The following DNAI1 variants were observed in gnomAD, a reference collection of about 807,000 sequenced individuals.
DNAI1 encodes dynein axonemal intermediate chain 1.
DNAI1 carries 67 observed loss-of-function variants against 92.0 expected under a neutral mutation model. That is an observed-to-expected ratio of 0.73 (90% CI 0.60 to 0.89). The LOEUF (loss-of-function observed/expected upper bound fraction) is 0.89, where lower values mean the gene tolerates loss of function less well. Ranked by LOEUF, DNAI1 falls within the 40% of genes least tolerant of loss-of-function variation. The probability of loss-of-function intolerance (pLI) is 0.00; values close to 1 mark genes in which losing one functional copy is unlikely to be tolerated. For missense variants in DNAI1, 839 were observed against 866.6 expected (o/e 0.97, Z 0.40); for synonymous variants, 323 against 319.6 (o/e 1.01, Z -0.11).
At chr9:34,482,230 G>A (rs1205845233) in intron 1 of DNAI1, among the ~76,000 whole-genome samples, 1 of 148,146 alleles carries the variant, frequency 6.8e-6, no homozygotes, top group African/African-American at 2.6e-5. Context: ...GCTGATTGGT[G>A]TATTTACAAT....
In DNAI1 at chr9:34,500,844, G is replaced by T; in HGVS notation, c.1019+5G>T. On this transcript the variant is annotated splice_donor_5th_base_variant and intron_variant, in intron 11 of 19. Transcript: ENST00000242317. ...GTCCGTCACTGCCCTCTGCTGGTAA[G>T]TATAGGCATTGCAGCAAATGCAGAG... The T allele has an allele frequency of 1.2e-6, 2 of 1,611,536 alleles. No homozygotes were observed. Among genetic ancestry groups the T allele is most frequent in the Non-Finnish European group, 1.7e-6 (2 of 1,177,730 alleles).
chr9:34,469,306 C>T (rs1211230578), intron 1 of DNAI1, among the ~76,000 whole-genome samples: 3 of 147,462 alleles, frequency 2.0e-5, no homozygotes, highest in Non-Finnish European at 4.5e-5. Context: ...CACTCTGTCA[C>T]CCAGGCTGGA....
At position 34,485,444 on chromosome 9, in the gene DNAI1, A is replaced by G. The variant is rs1280964647; in HGVS notation, c.188A>G (p.Lys63Arg). ...GGTATTTTTCTCCCTCAGGAGTTAA[A>G]GGAGGAGTTCACTCGGATTTTGACA... is the stretch of plus-strand genomic sequence containing the variant. ...DQLELTDAEL[K>R]EEFTRILTAN... is the part of the protein sequence containing the mutation. The change falls in exon 4 of 20, where the codon AAG becomes AGG. Residue 63 changes from lysine (K) to arginine (R), a missense_variant. Lys to Arg is a conservative substitution (Grantham distance 26). Coordinates refer to ENST00000242317, the MANE Select transcript of DNAI1 (RefSeq NM_012144.4). 3.1e-6 allele frequency: 5 copies of G among 1,614,036 alleles called. No homozygotes were observed. The highest frequency in any genetic ancestry group is 4.2e-6 in the Non-Finnish European group (5 of 1,180,048).
chr9:34,486,187 A>G (rs1824466375), intron 4 of DNAI1, among the ~76,000 whole-genome samples: 2 of 152,160 alleles, frequency 1.3e-5, no homozygotes, highest in African/African-American at 2.4e-5. Context: ...AGGGGTGCAT[A>G]TGTTTCCTAT....
intron 15 of DNAI1, 65 bp downstream of exon 15, chr9:34,512,489 GAC>G: frequency 6.7e-7 from 1 of 1,486,180 alleles, no homozygotes; most frequent in Middle Eastern, 1.9e-4. Flanking sequence ...GAGGGTCAGT[GAC>G]AGTGGTCCTT....
chr9:34,472,595 A>T (rs138175272), intron 1 of DNAI1, among the ~76,000 whole-genome samples: 41 of 152,324 alleles, frequency 2.7e-4, no homozygotes, highest in African/African-American at 9.4e-4. Context: ...TATAAAAGTA[A>T]TGCATATTCA....
intron 13 of DNAI1, among the ~76,000 whole-genome samples, chr9:34,511,588 CA>C (rs1231093809): frequency 9.2e-5 from 14 of 152,318 alleles, no homozygotes; most frequent in African/African-American, 3.1e-4. Context: ...ACAATGAGGA[CA>C]TTAGCTAACA....
Position 34,485,276 on chromosome 9 carries a change from C to T in DNAI1, c.180+36C>T, listed in dbSNP as rs773712240. ...AGCCTCTTGTTCTTGCTCCTTGTACCTCTTCCAGTTTCGGAGATGTGTTCT... is the reference window on the plus strand; with the variant it reads ...AGCCTCTTGTTCTTGCTCCTTGTACTTCTTCCAGTTTCGGAGATGTGTTCT... On this transcript the variant is annotated intron_variant, in intron 3 of 19. Transcript: ENST00000242317. 7 of 1,612,620 alleles carry T rather than the reference C, an allele frequency of 4.3e-6. No homozygotes were observed. The East Asian group carries it at 1.6e-4, about 36-fold the overall frequency.
chr9:34,516,026 G>A (rs1213317161), intron 18 of DNAI1, among the ~76,000 whole-genome samples: 1 of 152,184 alleles, frequency 6.6e-6, no homozygotes, highest in African/African-American at 2.4e-5. Flanking sequence ...AGGACTGGGT[G>A]GTCTGTTGGA....
At chr9:34,515,997 AAG>A (rs1272694441) in intron 18 of DNAI1, among the ~76,000 whole-genome samples, 6 of 152,146 alleles carry the variant, frequency 3.9e-5, no homozygotes, top group Admixed American at 1.3e-4. Flanking sequence ...AAAAGAAAAA[AAG>A]AAAAAGAAAA....
intron 4 of DNAI1, chr9:34,489,117 A>G: frequency 1.7e-6 from 1 of 584,570 alleles, no homozygotes; most frequent in Non-Finnish European, 2.9e-6. Context: ...GATAACTTTA[A>G]AAAAGATTTT....
intron 1 of DNAI1, among the ~76,000 whole-genome samples, chr9:34,480,888 G>A (rs1824339990): frequency 6.6e-6 from 1 of 152,236 alleles, no homozygotes; most frequent in Non-Finnish European, 1.5e-5. Context: ...GGAGGTTGCA[G>A]TGAGCTGAGA....
At position 34,485,160 on chromosome 9, in the gene DNAI1, G is replaced by T; in HGVS notation, c.100G>T (p.Glu34Ter). 1.2e-6 allele frequency: 2 copies of T among 1,614,206 alleles called. No homozygotes were observed. Among genetic ancestry groups the T allele is most frequent in the Non-Finnish European group, 1.7e-6 (2 of 1,180,044 alleles). ...TRKRDEDSGT[E>*]VGEGTDEWAQ... ...TGTCTAGGATGAAGATTCAGGGACT[G>T]AAGTGGGAGAAGGCACAGATGAATG... The change falls in exon 3 of 20, where the codon GAA becomes TAA. Residue 34 changes from glutamate (E) to a stop codon, truncating the protein, a stop_gained. Coordinates refer to ENST00000242317, the MANE Select transcript of DNAI1 (RefSeq NM_012144.4). LOFTEE classifies it high-confidence loss of function.
In DNAI1 at chr9:34,489,366, T is replaced by C. The variant is rs1241446152; in HGVS notation, c.305T>C (p.Val102Ala). The change falls in exon 5 of 20, where the codon GTT (valine) becomes GCT (alanine). Residue 102 changes from valine (V) to alanine (A), a missense_variant. By Grantham distance (64) the Val-to-Ala change is moderately conservative. Transcript: ENST00000242317. ...KPIGFVNQLAVHYTQVGNLIP... is the reference protein window; with the variant it reads ...KPIGFVNQLAAHYTQVGNLIP... ...ATTGGCTTTGTGAACCAACTGGCAG[T>C]TCACTACACCCAGGTTGGGAACCTG... The C allele has an allele frequency of 6.2e-7, 1 of 1,614,086 alleles. No homozygotes were observed. Among genetic ancestry groups the C allele is most frequent in the African/African-American group, 1.3e-5 (1 of 75,038 alleles).
chr9:34,500,946 G>T, intron 11 of DNAI1, 107 bp downstream of exon 11: 4 of 1,062,534 alleles, frequency 3.8e-6, no homozygotes, highest in South Asian at 1.3e-5. Flanking sequence ...ACATGTGACA[G>T]TATAGAAAAA....
chr9:34,505,548 G>T (rs1824909925), intron 12 of DNAI1, among the ~76,000 whole-genome samples: 3 of 152,162 alleles, frequency 2.0e-5, no homozygotes, highest in African/African-American at 7.2e-5. Context: ...TTGCAGGGGG[G>T]CCTTATTCTG....
At chr9:34,491,855 C>T (rs528611612) in intron 8 of DNAI1, among the ~76,000 whole-genome samples, 15 of 152,284 alleles carry the variant, frequency 9.9e-5, no homozygotes, top group African/African-American at 3.1e-4. Flanking sequence ...ACATTTGCTT[C>T]GATGGACTCT....
chr9:34,492,867 A>G (rs938670632), intron 8 of DNAI1, among the ~76,000 whole-genome samples: 4 of 151,840 alleles, frequency 2.6e-5, no homozygotes, highest in Non-Finnish European at 5.9e-5. Flanking sequence ...TCACCAACAA[A>G]AATGGGAACT....
Position 34,512,132 on chromosome 9 carries a change from G to T in DNAI1, c.1335G>T (p.Met445Ile). The change falls in exon 14 of 20, where the codon ATG becomes ATT. Residue 445 changes from methionine to isoleucine, a missense_variant. Coordinates refer to ENST00000242317, the MANE Select transcript of DNAI1 (RefSeq NM_012144.4). The part of the protein sequence containing the change: ...VWQVKWQKDD[M>I]DQNLNFFSVS... The stretch of plus-strand genomic sequence containing the variant: ...AGGTCAAGTGGCAGAAGGATGACAT[G>T]GACCAAAACCTTAACTTCTTCTCTG... The T allele has an allele frequency of 6.2e-7, 1 of 1,614,142 alleles. No individual in the cohort carries two copies. Among genetic ancestry groups the T allele is most frequent in the Non-Finnish European group, 8.5e-7 (1 of 1,180,024 alleles).
Sources: allele counts gnomAD v4.1 joint callset (sites outside exome capture counted in the v4.1 genomes callset), GRCh38; gene constraint gnomAD v4.1.1; transcripts MANE v1.5; gene names NCBI Gene and HGNC (gene_info 2026-07-23, HGNC 2026-07-21).